Variants in PKN2 observed in about 807,000 individuals in gnomAD.
PKN2 encodes the protein protein kinase N2.
In PKN2, 38 loss-of-function variants were observed where a neutral mutation model predicts 119.1. The observed-to-expected ratio is 0.32, with a 90% CI of 0.25 to 0.42. The LOEUF (loss-of-function observed/expected upper bound fraction) is 0.42. Among genes scored for constraint, PKN2 ranks in the 10% least tolerant of loss-of-function variants. The pLI is 1.00. For missense variants in PKN2, 850 were observed against 1,165.1 expected (o/e 0.73, Z 3.94); for synonymous variants, 390 against 384.9 (o/e 1.01, Z -0.15).
chr1:88,732,486 T>C (rs1668179097), intron 1 of PKN2, among the ~76,000 whole-genome samples: 1 of 152,210 alleles, frequency 6.6e-6, no homozygotes, highest in Non-Finnish European at 1.5e-5. Flanking sequence ...CTTTATTCGC[T>C]AGCTGACTTG....
At chr1:88,763,311 A>G (rs1669520153) in intron 3 of PKN2, among the ~76,000 whole-genome samples, 1 of 152,242 alleles carries the variant, frequency 6.6e-6, no homozygotes, top group Non-Finnish European at 1.5e-5. Context: ...AAGTTTAGAA[A>G]GTTCACATCC....
chr1:88,766,440 A>AT (rs1669672016), intron 3 of PKN2, among the ~76,000 whole-genome samples: 1 of 152,264 alleles, frequency 6.6e-6, no homozygotes, highest in South Asian at 2.1e-4. Flanking sequence ...AAACAGTGTT[A>AT]TTTTTTTGTA....
chr1:88,684,462 T>G lies in PKN2; in HGVS notation c.-119T>G. 1.2e-6 allele frequency: 1 copy of G among 842,726 alleles called. No homozygotes were observed. Among genetic ancestry groups the G allele is most frequent in the Non-Finnish European group, 1.8e-6 (1 of 563,576 alleles). The allele number at this position is 842,726 out of a possible 1,614,324, so 52.2% of individuals were successfully genotyped here. A position where few individuals can be genotyped will look rare whatever the true frequency, so the allele number is the denominator to read the frequency against. On this transcript the variant is annotated 5_prime_UTR_variant, in exon 1 of 22. An upstream open reading frame in the 5' UTR loses its in-frame stop. Coordinates refer to ENST00000370521, the MANE Select transcript of PKN2 (RefSeq NM_006256.4). Reference sequence around the variant, plus strand: ...CAGGGGCTGCGCCTCCATGAATCCCTAGTTGTTTTTTTTTTTTTCTTTCTC... The same window carrying G: ...CAGGGGCTGCGCCTCCATGAATCCCGAGTTGTTTTTTTTTTTTTCTTTCTC...
At chr1:88,686,830 C>T (rs911826137) in intron 1 of PKN2, among the ~76,000 whole-genome samples, 1 of 152,034 alleles carries the variant, frequency 6.6e-6, no homozygotes, top group Admixed American at 6.5e-5. Context: ...TTTCAAGATT[C>T]ACTTTTTTAA....
At chr1:88,694,130 T>C (rs1469445437) in intron 1 of PKN2, among the ~76,000 whole-genome samples, 2 of 152,170 alleles carry the variant, frequency 1.3e-5, no homozygotes, top group Non-Finnish European at 2.9e-5. Context: ...TATTGACACA[T>C]CATCATCATC....
chr1:88,782,798 A>G (rs927954211), intron 6 of PKN2, among the ~76,000 whole-genome samples: 1 of 152,214 alleles, frequency 6.6e-6, no homozygotes, highest in Non-Finnish European at 1.5e-5. Context: ...AATAATTTGT[A>G]ACGCAACCAT....
At chr1:88,720,338 T>C (rs1667623443) in intron 1 of PKN2, among the ~76,000 whole-genome samples, 1 of 152,150 alleles carries the variant, frequency 6.6e-6, no homozygotes, top group Non-Finnish European at 1.5e-5. Context: ...TTCTTAATTG[T>C]TCTGATATAC....
chr1:88,822,732 C>T (rs190389191), intron 17 of PKN2, among the ~76,000 whole-genome samples: 111 of 152,056 alleles, frequency 7.3e-4, no homozygotes, highest in Non-Finnish European at 1.3e-3. Flanking sequence ...GTGCCCGCCA[C>T]CATGCCCAGC....
At chr1:88,705,562 G>A (rs946193749) in intron 1 of PKN2, among the ~76,000 whole-genome samples, 1 of 152,002 alleles carries the variant, frequency 6.6e-6, no homozygotes, top group Non-Finnish European at 1.5e-5. Flanking sequence ...AGCCGGTTGT[G>A]GTGGCAGGCA....
intron 1 of PKN2, among the ~76,000 whole-genome samples, chr1:88,698,033 C>T (rs1350404799): frequency 6.6e-6 from 1 of 151,968 alleles, no homozygotes; most frequent in Non-Finnish European, 1.5e-5. Flanking sequence ...CATCATTTAC[C>T]CCTTTAGCCC....
At chr1:88,762,237 A>G (rs745625556) in intron 3 of PKN2, among the ~76,000 whole-genome samples, 2 of 152,236 alleles carry the variant, frequency 1.3e-5, no homozygotes, top group Admixed American at 6.5e-5. Context: ...TAGATAACCT[A>G]AAACAACCAC....
chr1:88,806,876 C>T (rs779878427), intron 12 of PKN2, among the ~76,000 whole-genome samples: 2 of 151,938 alleles, frequency 1.3e-5, no homozygotes, highest in African/African-American at 4.8e-5. Context: ...TGCACCACCA[C>T]GCCCACTAGT....
chr1:88,826,249 G>T (rs575457406), intron 18 of PKN2, among the ~76,000 whole-genome samples: 1 of 152,198 alleles, frequency 6.6e-6, no homozygotes, highest in African/African-American at 2.4e-5. Flanking sequence ...GAAAATATGT[G>T]TGTTGAATAA....
At chr1:88,729,183 T>C (rs574764189) in intron 1 of PKN2, among the ~76,000 whole-genome samples, 2 of 152,294 alleles carry the variant, frequency 1.3e-5, no homozygotes, top group African/African-American at 4.8e-5. Context: ...CATGAGCCAC[T>C]GCGCCCAGCC....
chr1:88,790,844 T>G (rs963245301), intron 8 of PKN2, among the ~76,000 whole-genome samples: 3 of 152,176 alleles, frequency 2.0e-5, no homozygotes, highest in Non-Finnish European at 4.4e-5. Context: ...GGTTTCTGTC[T>G]TTTTGTTCTA....
chr1:88,831,732 T>C (rs1391511758), intron 19 of PKN2, among the ~76,000 whole-genome samples: 1 of 152,034 alleles, frequency 6.6e-6, no homozygotes, highest in Non-Finnish European at 1.5e-5. Flanking sequence ...CCAAATCAAA[T>C]CTAACGAGGC....
At chr1:88,736,301 G>A (rs931893666) in intron 1 of PKN2, among the ~76,000 whole-genome samples, 2 of 152,046 alleles carry the variant, frequency 1.3e-5, no homozygotes, top group Admixed American at 6.6e-5. Flanking sequence ...TCACTTTAGG[G>A]TTGTTTCCTG....
chr1:88,788,768 C>T (rs1289306182), intron 8 of PKN2, among the ~76,000 whole-genome samples: 1 of 152,078 alleles, frequency 6.6e-6, no homozygotes, highest in Non-Finnish European at 1.5e-5. Flanking sequence ...TTAATGAAGT[C>T]TACTTACTAC....
chr1:88,732,574 T>G (rs1355650449), intron 1 of PKN2, among the ~76,000 whole-genome samples: 2 of 152,280 alleles, frequency 1.3e-5, no homozygotes, highest in East Asian at 3.9e-4. Context: ...CTGATATTTG[T>G]AAGCTTTATA....
Sources: gnomAD v4.1 joint callset for allele counts (sites outside exome capture counted in the v4.1 genomes callset) on GRCh38, gnomAD v4.1.1 for gene constraint, MANE v1.5 for transcripts, NCBI Gene and HGNC (gene_info 2026-07-23, HGNC 2026-07-21) for gene names.